QRICH2: variants seen among roughly 807,000 people sequenced by gnomAD.
QRICH2 encodes the protein glutamine-rich protein 2.
Under a neutral mutation model 168.3 loss-of-function variants are expected in QRICH2, and 119 were observed. That is an observed-to-expected ratio of 0.71 (90% CI 0.61 to 0.82). QRICH2 has a LOEUF of 0.82. QRICH2 is among the 40% of genes least tolerant of loss of function. The pLI is 0.00. For synonymous variants in QRICH2, 894 were observed against 951.2 expected (o/e 0.94, Z 1.11); for missense variants, 2,241 against 2,491.6 (o/e 0.90, Z 2.14).
At chr17:76,309,914 G>A (rs1293147909), upstream of QRICH2, 2 of 151,788 alleles carry the variant, frequency 1.3e-5, no homozygotes, top group Admixed American at 6.6e-5. Flanking sequence ...AAGGATTTTC[G>A]ATCATCATTA....
chr17:76,294,575 G>T (rs750071664), intron 3 of QRICH2, among the ~76,000 whole-genome samples: 1 of 152,138 alleles, frequency 6.6e-6, no homozygotes, highest in Non-Finnish European at 1.5e-5. Context: ...CACTTTGGGA[G>T]GCCAAGGCGG....
intron 3 of QRICH2, among the ~76,000 whole-genome samples, chr17:76,301,058 A>G (rs1413440434): frequency 4.0e-5 from 6 of 151,736 alleles, no homozygotes. Flanking sequence ...TGTCTCAAAA[A>G]TGCAAAATAT....
intron 3 of QRICH2, among the ~76,000 whole-genome samples, chr17:76,297,808 T>C (rs1401673770): frequency 6.7e-6 from 1 of 149,838 alleles, no homozygotes; most frequent in African/African-American, 2.5e-5. Flanking sequence ...AACCTTTAAC[T>C]CCTGGGCTCA....
chr17:76,299,045 C>T (rs1228673205), intron 3 of QRICH2, among the ~76,000 whole-genome samples: 1 of 152,038 alleles, frequency 6.6e-6, no homozygotes, highest in East Asian at 1.9e-4. Flanking sequence ...TGTAGGGGGC[C>T]CTCTGCTGAT....
rs140553183 is a variant in QRICH2 at position 76,304,722 on chromosome 17, G to A, written c.594+160C>T. Among the ~76,000 whole-genome samples the A allele has an allele frequency of 5.7e-3, 873 of 152,254 alleles. 7 individuals carry two copies. The highest frequency in any genetic ancestry group is 0.02 in the African/African-American group (831 of 41,544). On this transcript the variant is annotated intron_variant, in intron 2 of 18. Coordinates refer to ENST00000680821, the MANE Select transcript of QRICH2 (RefSeq NM_001388453.1). ...ATGTGAGCACCCAGCAGAGCGCTGGGCAGGGCTGGGGCAGATTTCCCTCCA... is the reference window on the plus strand; with the variant it reads ...ATGTGAGCACCCAGCAGAGCGCTGGACAGGGCTGGGGCAGATTTCCCTCCA...
chr17:76,289,190 T>A (rs766034972), intron 5 of QRICH2, among the ~76,000 whole-genome samples: 6 of 152,044 alleles, frequency 3.9e-5, no homozygotes, highest in African/African-American at 7.2e-5. Context: ...CATCAGTTTT[T>A]AAAAAAAATT....
chr17:76,286,875 CAAAAAA>C (rs574718247), intron 7 of QRICH2, among the ~76,000 whole-genome samples: 2 of 65,262 alleles, frequency 3.1e-5, no homozygotes, highest in Admixed American at 1.6e-4. Flanking sequence ...AATTCCATCT[CAAAAAA>C]AAAAAAAAAA....
rs763512312 is a variant in QRICH2, at chr17:76,281,850, G to A, written c.4263+14C>T. Reference sequence around the variant, plus strand: ...TGTCCAGTTGCAGCAGGAGGGAGGCGAGCAGAGCCCCACCTGTCTCTGGAG... The same window carrying A: ...TGTCCAGTTGCAGCAGGAGGGAGGCAAGCAGAGCCCCACCTGTCTCTGGAG... On this transcript the variant is annotated intron_variant, in intron 8 of 18. Transcript: ENST00000680821. The surrounding 1 kb of genome is among the most constrained non-coding windows in gnomAD (Gnocchi z 4.4). 43 of 1,608,158 alleles carry A rather than the reference G, an allele frequency of 2.7e-5. No homozygotes were observed. The highest frequency in any genetic ancestry group is 6.7e-5 in the East Asian group (3 of 44,708).
Position 76,278,111 on chromosome 17 carries a change from G to C in QRICH2, c.4995C>G (p.His1665Gln). 2 of 1,613,664 alleles carry C rather than the reference G, an allele frequency of 1.2e-6. No individual in the cohort carries two copies. Among genetic ancestry groups the C allele is most frequent in the Non-Finnish European group, 1.7e-6 (2 of 1,180,040 alleles). ...EQSVGRLRSMHSKMLMNIEKV... is the reference protein window; with the variant it reads ...EQSVGRLRSMQSKMLMNIEKV... ...TCTCAATGTTCATCAGCATCTTGGA[G>C]TGCATGGAGCGCAGGCGCCCCACGC... The change falls in exon 15 of 19, where the codon CAC becomes CAG. Residue 1665 changes from histidine to glutamine, a missense_variant. Around this residue, in one of 3 missense-constraint regions of QRICH2, gnomAD observed 2,047 missense variants for 2,303.8 expected, o/e 0.89. Transcript: ENST00000680821.
At chr17:76,306,782 G>A (rs1431292120) in intron 1 of QRICH2, among the ~76,000 whole-genome samples, 1 of 152,098 alleles carries the variant, frequency 6.6e-6, no homozygotes, top group Non-Finnish European at 1.5e-5. Context: ...AGCTACTCGG[G>A]AGGCTGAGGC....
rs752189028 is a variant in QRICH2 at position 76,276,705 on chromosome 17, C to G, written c.5328G>C (p.Arg1776Ser). ...TGTCTTTTCGGAGGATGCCTGGCAG[C>G]CTTGTGTCCATCCGTCCCTTGTAAA... ...GHIYKGRMDT[R>S]LPGILRKDSS... The change falls in exon 17 of 19, where the codon AGG becomes AGC. Residue 1776 changes from arginine (R) to serine (S), a missense_variant. Arg to Ser is a moderately radical substitution (Grantham distance 110). Transcript: ENST00000680821. 5 of 1,613,746 alleles carry G rather than the reference C, an allele frequency of 3.1e-6. No homozygotes were observed. The highest frequency in any genetic ancestry group is 4.2e-6 in the Non-Finnish European group (5 of 1,179,968).
rs2070908942 is a variant in QRICH2 at position 76,287,378 on chromosome 17, G to A, written c.3897-72C>T. 10 of 1,053,778 alleles carry A rather than the reference G, an allele frequency of 9.5e-6. No homozygotes were observed. The South Asian group carries it at 1.3e-4, about 14-fold the overall frequency. The allele number at this position is 1,053,778 out of a possible 1,614,324, so 65.3% of individuals were successfully genotyped here. A position where few individuals can be genotyped will look rare whatever the true frequency, so the allele number is the denominator to read the frequency against. On this transcript the variant is annotated intron_variant, in intron 6 of 18. Coordinates refer to ENST00000680821, the MANE Select transcript of QRICH2 (RefSeq NM_001388453.1). ...CCCATGCAGAGCCTGGGCCATCAGGGACGCAGGGGGATGCAGACACAGCTG... is the reference window on the plus strand; with the variant it reads ...CCCATGCAGAGCCTGGGCCATCAGGAACGCAGGGGGATGCAGACACAGCTG...
chr17:76,279,005 G>T (rs199566327), intron 14 of QRICH2, 36 bp downstream of exon 14: 3 of 1,560,708 alleles, frequency 1.9e-6, no homozygotes, highest in East Asian at 2.3e-5. Context: ...CCCTGGCCCC[G>T]GACCCATATG....
intron 16 of QRICH2, 107 bp downstream of exon 16, chr17:76,277,056 C>A: frequency 8.0e-7 from 1 of 1,257,340 alleles, no homozygotes; most frequent in Non-Finnish European, 1.1e-6. Context: ...AAGGAATTGC[C>A]TCAAGGCAGA....
chr17:76,288,126 T>C (rs560328912), intron 5 of QRICH2, among the ~76,000 whole-genome samples: 3 of 152,294 alleles, frequency 2.0e-5, no homozygotes, highest in Non-Finnish European at 4.4e-5. Context: ...CTCACGCCTG[T>C]AATCCCAGCA....
chr17:76,298,257 CA>C (rs2143356108), intron 3 of QRICH2, among the ~76,000 whole-genome samples: 1 of 143,276 alleles, frequency 7.0e-6, no homozygotes, highest in Non-Finnish European at 1.5e-5. Context: ...AATGTCGGCT[CA>C]CTGCAAGCTC....
chr17:76,290,447 C>T (rs2143275736), intron 4 of QRICH2, among the ~76,000 whole-genome samples: 1 of 152,264 alleles, frequency 6.6e-6, no homozygotes, highest in Middle Eastern at 3.4e-3. Flanking sequence ...AGTGATCCAT[C>T]ACAGCTCACT....
At chr17:76,278,486 C>T (rs747590177) in intron 14 of QRICH2, among the ~76,000 whole-genome samples, 8 of 152,204 alleles carry the variant, frequency 5.3e-5, no homozygotes, top group Non-Finnish European at 1.2e-4. Context: ...CCCATCTCGG[C>T]GCACCTGGCC....
Position 76,307,994 on chromosome 17 carries a change from G to T in QRICH2, c.5C>A (p.Pro2Gln). 3.2e-6 allele frequency: 4 copies of T among 1,233,218 alleles called. No homozygotes were observed. Among genetic ancestry groups the T allele is most frequent in the South Asian group, 4.1e-5 (1 of 24,572 alleles). The allele number at this position is 1,233,218 out of a possible 1,614,324, so 76.4% of individuals were successfully genotyped here. Residue 2 changes from proline to glutamine, a missense_variant, in exon 1 of 19, where the codon CCG becomes CAG. By Grantham distance (76) the Pro-to-Gln change is moderately conservative (BLOSUM62 -1). Coordinates refer to ENST00000680821, the MANE Select transcript of QRICH2 (RefSeq NM_001388453.1). The surrounding 1 kb of genome is among the most constrained non-coding windows in gnomAD (Gnocchi z 5.3). M[P>Q]PATTVSLREL... ...CCGGAGGGAGACCGTGGTCGCGGGC[G>T]GCATCGTGGCTGTCAGGAGCTGTGC... is the stretch of plus-strand genomic sequence containing the variant.
Sources: gnomAD v4.1 joint callset for allele counts (sites outside exome capture counted in the v4.1 genomes callset) on GRCh38, gnomAD v4.1.1 for gene constraint, gnomAD v4.1.1 regional missense constraint, Gnocchi (gnomAD v3.1) non-coding constraint, MANE v1.5 for transcripts, NCBI Gene and HGNC (gene_info 2026-07-23, HGNC 2026-07-21) for gene names.